Variants in TSHR observed in about 807,000 individuals in gnomAD.
TSHR encodes thyrotropin receptor.
Under a neutral mutation model 64.1 loss-of-function variants are expected in TSHR, and 51 were observed. That is an observed-to-expected ratio of 0.80 (90% CI 0.64 to 1.01). The LOEUF (loss-of-function observed/expected upper bound fraction) is 1.01. Ranked by LOEUF, TSHR falls within the 50% of genes least tolerant of loss-of-function variation. The pLI is 0.00. For synonymous variants in TSHR, 361 were observed against 361.9 expected, an observed-to-expected ratio of 1.00 and a Z score of 0.03; for missense variants, 877 against 942.8, an observed-to-expected ratio of 0.93 and a Z score of 0.91.
At chr14:81,127,477 T>C (rs547739695) in intron 8 of TSHR, among the ~76,000 whole-genome samples, 2 of 152,002 alleles carry the variant, frequency 1.3e-5, no homozygotes, top group South Asian at 2.1e-4. Context: ...GGATTCAACA[T>C]TGAGGAGGAG....
At chr14:81,067,627 GC>G (rs1886728446) in intron 2 of TSHR, among the ~76,000 whole-genome samples, 1 of 149,214 alleles carries the variant, frequency 6.7e-6, no homozygotes, top group Admixed American at 6.7e-5. Flanking sequence ...CAGCTAAGAA[GC>G]TTTTGAAAAA....
intron 3 of TSHR, among the ~76,000 whole-genome samples, chr14:81,081,952 A>G (rs1057219561): frequency 6.6e-6 from 1 of 152,142 alleles, no homozygotes; most frequent in South Asian, 2.1e-4. Flanking sequence ...TTTTTGAACT[A>G]TAGGTGAGGT....
At chr14:80,973,544 C>G (rs986344431) in intron 1 of TSHR, among the ~76,000 whole-genome samples, 1 of 151,836 alleles carries the variant, frequency 6.6e-6, no homozygotes, top group Admixed American at 6.6e-5. Flanking sequence ...GGCAGAGGAA[C>G]ACTATGCATT....
At chr14:81,032,886 C>T (rs1884421224) in intron 1 of TSHR, 1 of 365,228 alleles carries the variant, frequency 2.7e-6, no homozygotes, top group Non-Finnish European at 5.3e-6. Context: ...CTCACCTACA[C>T]TAGAAAGGCC....
At chr14:80,985,204 C>T (rs190607719) in intron 1 of TSHR, among the ~76,000 whole-genome samples, 14,029 of 152,260 alleles carry the variant, frequency 0.092, 1,045 homozygotes, top group East Asian at 0.35. Flanking sequence ...GGGCGGAGAT[C>T]GCGCCACTGC....
Position 81,103,663 on chromosome 14 carries a change from A to G in TSHR, c.615-4712A>G. 1 of 985,478 alleles carries G rather than the reference A, an allele frequency of 1.0e-6. No individual in the cohort carries two copies. Among genetic ancestry groups the G allele is most frequent in the Non-Finnish European group, 1.2e-6 (1 of 829,936 alleles). The allele number at this position is 985,478 out of a possible 1,614,324, so 61.0% of individuals were successfully genotyped here. A position where few individuals can be genotyped will look rare whatever the true frequency, so the allele number is the denominator to read the frequency against. On this transcript the variant is annotated intron_variant, in intron 7 of 9. Transcript: ENST00000298171. This position sits in a 1 kb window ranked among gnomAD's most constrained non-coding sequence, Gnocchi z 4.1. The stretch of plus-strand genomic sequence containing the variant: ...AATGTTGTCATCACTCAGAGGTGAA[A>G]TTAATAATAATACAAGCATCCCTTG...
intron 7 of TSHR, chr14:81,104,402 A>G (rs566395849): frequency 1.2e-5 from 12 of 985,448 alleles, no homozygotes; most frequent in Non-Finnish European, 1.4e-5. Context: ...CTGAAATTCC[A>G]TCTTGGAGCT....
chr14:81,068,053 T>C (rs1886783739), intron 2 of TSHR, among the ~76,000 whole-genome samples: 1 of 149,484 alleles, frequency 6.7e-6, no homozygotes, highest in Non-Finnish European at 1.5e-5. Context: ...TAGGAGTTAA[T>C]ATACAGGAGG....
intron 1 of TSHR, among the ~76,000 whole-genome samples, chr14:81,016,304 T>C (rs1890180976): frequency 1.3e-5 from 2 of 152,204 alleles, no homozygotes; most frequent in Non-Finnish European, 2.9e-5. Flanking sequence ...TTTGTGTTGA[T>C]AACCATCCTA....
intron 8 of TSHR, among the ~76,000 whole-genome samples, chr14:81,123,222 G>C (rs1595151492): frequency 6.6e-6 from 1 of 152,144 alleles, no homozygotes; most frequent in Non-Finnish European, 1.5e-5. Context: ...AGGTCAATAG[G>C]AGAAAAGTAA....
At chr14:80,998,429 C>CCAGCCAGACAATAATCAA (rs1889137069) in intron 1 of TSHR, among the ~76,000 whole-genome samples, 1 of 152,000 alleles carries the variant, frequency 6.6e-6, no homozygotes, top group African/African-American at 2.4e-5. Flanking sequence ...CAAATAATTA[C>CCAGCCAGACAATAATCAA]ATGTTTGGTG....
intron 3 of TSHR, among the ~76,000 whole-genome samples, chr14:81,076,914 T>C (rs1053493705): frequency 1.3e-5 from 2 of 152,194 alleles, no homozygotes; most frequent in Non-Finnish European, 2.9e-5. Context: ...CACCTCTGCG[T>C]TCTCATCATG....
chr14:81,068,167 T>A, intron 2 of TSHR, 87 bp from the exon 3 acceptor site: 1 of 1,288,548 alleles, frequency 7.8e-7, no homozygotes, highest in South Asian at 1.2e-5. Context: ...GGGAAGCGCA[T>A]AACAAAAAGT....
At chr14:81,001,474 C>A (rs1274350150) in intron 1 of TSHR, 2 of 508,426 alleles carry the variant, frequency 3.9e-6, no homozygotes, top group East Asian at 5.4e-5. Context: ...ACCTGAGAAT[C>A]TACATCTACA....
At chr14:81,091,500 C>G (rs1051641002) in intron 5 of TSHR, among the ~76,000 whole-genome samples, 1 of 152,132 alleles carries the variant, frequency 6.6e-6, no homozygotes, top group Admixed American at 6.5e-5. Context: ...GATATTGAGT[C>G]AGGAGAAAAG....
At chr14:81,129,031 C>T (rs1891128110) in intron 8 of TSHR, among the ~76,000 whole-genome samples, 1 of 152,104 alleles carries the variant, frequency 6.6e-6, no homozygotes, top group Non-Finnish European at 1.5e-5. Flanking sequence ...TTTCCTCCAA[C>T]ACTGCTCCTG....
intron 1 of TSHR, chr14:81,053,217 C>G (rs1454794081): frequency 6.6e-6 from 1 of 152,074 alleles, no homozygotes; most frequent in South Asian, 2.1e-4. Context: ...AGCTTAAAGA[C>G]AAGCAGAGAT....
chr14:81,120,676 C>T (rs1890754013), intron 8 of TSHR, among the ~76,000 whole-genome samples: 2 of 152,156 alleles, frequency 1.3e-5, no homozygotes, highest in Non-Finnish European at 1.5e-5. Context: ...ATTTGTATTG[C>T]CTAATTGTTC....
intron 7 of TSHR, among the ~76,000 whole-genome samples, chr14:81,102,100 A>G (rs1259093847): frequency 6.7e-6 from 1 of 149,508 alleles, no homozygotes; most frequent in Non-Finnish European, 1.5e-5. Flanking sequence ...TGAACCCGGG[A>G]GGCGGAGCTT....
Sources: gnomAD v4.1 joint callset for allele counts (sites outside exome capture counted in the v4.1 genomes callset) on GRCh38, gnomAD v4.1.1 for gene constraint, Gnocchi (gnomAD v3.1) non-coding constraint, MANE v1.5 for transcripts, NCBI Gene and HGNC (gene_info 2026-07-23, HGNC 2026-07-21) for gene names.